ABCG4: variants seen among roughly 807,000 people sequenced by gnomAD.
ABCG4 encodes the protein ATP binding cassette subfamily G member 4.
A neutral mutation model predicts 64.6 loss-of-function variants in ABCG4; 35 were observed. That is an observed-to-expected ratio of 0.54 (90% CI 0.41 to 0.72). The LOEUF (loss-of-function observed/expected upper bound fraction) is 0.72. ABCG4 is among the 30% of genes least tolerant of loss of function. ABCG4 has a pLI of 0.00. For missense variants in ABCG4, 610 were observed against 846.3 expected (o/e 0.72, Z 3.46); for synonymous variants, 326 against 348.2 (o/e 0.94, Z 0.71).
chr11:119,158,932 G>A lies in ABCG4; in HGVS notation c.1437+3G>A, dbSNP rs761892897. 2 of 1,614,006 alleles carry A rather than the reference G, an allele frequency of 1.2e-6. No individual in the cohort carries two copies. The highest frequency in any genetic ancestry group is 1.3e-5 in the African/African-American group (1 of 75,036). ...CCATGGCTGACGTGCCCTTTCAGGT[G>A]GGCCTCTTCCTCCCACCTGCCCACT... On this transcript the variant is annotated splice_donor_region_variant and intron_variant, in intron 12 of 14. Transcript: ENST00000619701. This position sits in a 1 kb window ranked among gnomAD's most constrained non-coding sequence, Gnocchi z 4.5.
At position 119,158,724 on chromosome 11, in the gene ABCG4, C is replaced by T. The variant is rs766831538; in HGVS notation, c.1335C>T (p.Thr445=). 1.2e-6 allele frequency: 2 copies of T among 1,614,154 alleles called. No individual in the cohort carries two copies. Among genetic ancestry groups the T allele is most frequent in the Non-Finnish European group, 1.7e-6 (2 of 1,180,024 alleles). Reference sequence around the variant, plus strand: ...CCGCCCTCATGCCAACTGTGCTCACCTGTGAGCTGAGCTGCCCTGGGCATG... The same window carrying T: ...CCGCCCTCATGCCAACTGTGCTCACTTGTGAGCTGAGCTGCCCTGGGCATG... ...MFAALMPTVL[T]FPLEMAVFMR... The change falls in exon 11 of 15, where the codon ACC becomes ACT. Residue 445 remains threonine (T), a splice_region_variant and synonymous_variant. Transcript: ENST00000619701. The surrounding 1 kb of genome is among the most constrained non-coding windows in gnomAD (Gnocchi z 4.5).
Position 119,149,690 on chromosome 11 carries a change from T to G in ABCG4, c.-12-264T>G, listed in dbSNP as rs1592300620. ...CCCCAGGGGCTGCTGGCCTGCGGGG[T>G]AAGGAGATTAGAGAAGCCGCCGGGA... is the stretch of plus-strand genomic sequence containing the variant. On this transcript the variant is annotated intron_variant, in intron 1 of 14. Transcript: ENST00000619701. The surrounding 1 kb of genome is among the most constrained non-coding windows in gnomAD (Gnocchi z 8.3). 2.6e-5 allele frequency: 13 copies of G among 500,878 alleles called. No individual in the cohort carries two copies. Among genetic ancestry groups the G allele is most frequent in the Non-Finnish European group, 3.6e-5 (10 of 280,388 alleles). The allele number at this position is 500,878 out of a possible 1,614,324, so 31.0% of individuals were successfully genotyped here.
Position 119,156,532 on chromosome 11 carries a change from G to A in ABCG4, c.811-32G>A, listed in dbSNP as rs1171891256. ...GGTCAGTAGGGGTGCCTGGCCCGCT[G>A]TTCCTTCCTTACCCTTCTCTTTCTG... On this transcript the variant is annotated intron_variant, in intron 7 of 14. Coordinates refer to ENST00000619701, the MANE Select transcript of ABCG4 (RefSeq NM_022169.5). This position sits in a 1 kb window ranked among gnomAD's most constrained non-coding sequence, Gnocchi z 5.5. 1 of 1,613,922 alleles carries A rather than the reference G, an allele frequency of 6.2e-7. No homozygotes were observed. The highest frequency in any genetic ancestry group is 1.3e-5 in the African/African-American group (1 of 74,908).
chr11:119,150,010 G>A lies in ABCG4; in HGVS notation c.45G>A (p.Pro15=), dbSNP rs1948171879. 6.2e-7 allele frequency: 1 copy of A among 1,611,660 alleles called. No homozygotes were observed. ...ALEAVGCGLG[P]GAVAMAVTLE... ...AGGCCGTGGGCTGTGGACTAGGGCC[G>A]GGGGCTGTGGCCATGGCCGTGACGC... Residue 15 remains proline, a synonymous_variant, in exon 2 of 15, where the codon CCG becomes CCA. Transcript: ENST00000619701. The surrounding 1 kb of genome is among the most constrained non-coding windows in gnomAD (Gnocchi z 4.3).
rs1948243385 is a variant in ABCG4 at position 119,154,781 on chromosome 11, C to T, written c.552C>T (p.Ile184=). 1.2e-6 allele frequency: 2 copies of T among 1,610,634 alleles called. No individual in the cohort carries two copies. Among genetic ancestry groups the T allele is most frequent in the Non-Finnish European group, 8.5e-7 (1 of 1,177,304 alleles). The stretch of plus-strand genomic sequence containing the variant: ...TGGGGTGGGGCCAGGTGACAGAGAT[C>T]CTGACGGCACTGGGCCTGATGTCGT... ...QEVKKELVTE[I]LTALGLMSCS... The change falls in exon 6 of 15, where the codon ATC becomes ATT. Residue 184 remains isoleucine (I), a synonymous_variant. Coordinates refer to ENST00000619701, the MANE Select transcript of ABCG4 (RefSeq NM_022169.5). This position sits in a 1 kb window ranked among gnomAD's most constrained non-coding sequence, Gnocchi z 7.0.
chr11:119,153,698 G>A (rs1321749582), intron 2 of ABCG4: 2 of 269,018 alleles, frequency 7.4e-6, no homozygotes, highest in Non-Finnish European at 1.4e-5. Flanking sequence ...GCGAGACAGT[G>A]GCCACTGTGA....
rs757135248 is a variant in ABCG4, at chr11:119,160,383, C to T, written c.1594C>T (p.Gln532Ter). The T allele has an allele frequency of 3.7e-6, 6 of 1,607,820 alleles. No homozygotes were observed. Among genetic ancestry groups the T allele is most frequent in the East Asian group, 2.2e-5 (1 of 44,678 alleles). Residue 532 changes from glutamine to a stop codon, truncating the protein, a stop_gained and splice_region_variant, in exon 13 of 15, where the codon CAG becomes TAG. Coordinates refer to ENST00000619701, the MANE Select transcript of ABCG4 (RefSeq NM_022169.5). LOFTEE classifies it high-confidence loss of function. This position sits in a 1 kb window ranked among gnomAD's most constrained non-coding sequence, Gnocchi z 4.6. ...LLIGAASNSLQVATFVGPVTA... is the reference protein window; with the variant it reads ...LLIGAASNSL ...GATCGGAGCTGCTTCCAACTCCCTA[C>T]AGGTGGGAGGGCTGGCAGTTGGGAA...
At chr11:119,157,038 A>G in intron 9 of ABCG4, 24 bp downstream of exon 9, 1 of 1,577,296 alleles carries the variant, frequency 6.3e-7, no homozygotes, top group Non-Finnish European at 8.6e-7. Flanking sequence ...GAGAGGGCAG[A>G]GCAGGCATAG....
At chr11:119,157,923 C>A (rs761708934) in intron 9 of ABCG4, among the ~76,000 whole-genome samples, 5 of 152,166 alleles carry the variant, frequency 3.3e-5, no homozygotes, top group Non-Finnish European at 5.9e-5. Flanking sequence ...AGGAATTATA[C>A]CCTTAGAGTT....
intron 9 of ABCG4, among the ~76,000 whole-genome samples, chr11:119,157,360 G>T (rs1409196048): frequency 2.0e-5 from 3 of 152,196 alleles, no homozygotes; most frequent in Admixed American, 6.5e-5. Context: ...CTCTAACTTA[G>T]AGATGATGAT....
chr11:119,156,353 C>T lies in ABCG4; in HGVS notation c.711C>T (p.Phe237=). 6.2e-7 allele frequency: 1 copy of T among 1,614,190 alleles called. No homozygotes were observed. The highest frequency in any genetic ancestry group is 8.5e-7 in the Non-Finnish European group (1 of 1,180,042). Residue 237 remains phenylalanine (F), a synonymous_variant, in exon 7 of 15, where the codon TTC becomes TTT. Transcript: ENST00000619701. This position sits in a 1 kb window ranked among gnomAD's most constrained non-coding sequence, Gnocchi z 5.5. Reference sequence around the variant, plus strand: ...GTGGTCTGGATAGCGCCTCTTGTTTCCAAGTGGTGTCCCTCATGAAGTCCC... The same window carrying T: ...GTGGTCTGGATAGCGCCTCTTGTTTTCAAGTGGTGTCCCTCATGAAGTCCC... ...PTSGLDSASC[F]QVVSLMKSLA... is the part of the protein sequence containing the mutation.
At chr11:119,151,206 G>A (rs983072195) in intron 2 of ABCG4, among the ~76,000 whole-genome samples, 2 of 152,208 alleles carry the variant, frequency 1.3e-5, no homozygotes, top group African/African-American at 4.8e-5. Flanking sequence ...TGAGGCAGTT[G>A]TTATTTCTTT....
Position 119,149,777 on chromosome 11 carries a change from G to C in ABCG4, c.-12-177G>C. 4 of 1,044,248 alleles carry C rather than the reference G, an allele frequency of 3.8e-6. No homozygotes were observed. Among genetic ancestry groups the C allele is most frequent in the Non-Finnish European group, 5.4e-6 (4 of 742,670 alleles). The allele number at this position is 1,044,248 out of a possible 1,614,324, so 64.7% of individuals were successfully genotyped here. The stretch of plus-strand genomic sequence containing the variant: ...GGGTCAGGCTGGAGCTGGGCTGCCC[G>C]GGACTGAGCGTCTCCGTGCGGAGAG... On this transcript the variant is annotated intron_variant, in intron 1 of 14. Coordinates refer to ENST00000619701, the MANE Select transcript of ABCG4 (RefSeq NM_022169.5). This position sits in a 1 kb window ranked among gnomAD's most constrained non-coding sequence, Gnocchi z 8.3.
Position 119,156,544 on chromosome 11 carries a change from C to A in ABCG4, c.811-20C>A. ...TGCCTGGCCCGCTGTTCCTTCCTTA[C>A]CCTTCTCTTTCTGCTGCAGCTCTAC... On this transcript the variant is annotated intron_variant, in intron 7 of 14. Transcript: ENST00000619701. This position sits in a 1 kb window ranked among gnomAD's most constrained non-coding sequence, Gnocchi z 5.5. 6.2e-7 allele frequency: 1 copy of A among 1,614,068 alleles called. No homozygotes were observed. The highest frequency in any genetic ancestry group is 8.5e-7 in the Non-Finnish European group (1 of 1,179,964).
chr11:119,156,237 A>T lies in ABCG4; in HGVS notation c.687-92A>T, dbSNP rs1948261641. 1 of 1,559,592 alleles carries T rather than the reference A, an allele frequency of 6.4e-7. No homozygotes were observed. Among genetic ancestry groups the T allele is most frequent in the African/African-American group, 1.4e-5 (1 of 73,792 alleles). ...AGAGTGCCCTCTTCCTGCCAGCTTC[A>T]TCCCCTTCACAGCAGCTGCCCCGCC... is the stretch of plus-strand genomic sequence containing the variant. On this transcript the variant is annotated intron_variant, in intron 6 of 14. Transcript: ENST00000619701. This position sits in a 1 kb window ranked among gnomAD's most constrained non-coding sequence, Gnocchi z 5.5.
At chr11:119,159,212 C>T (rs1367894627) in intron 12 of ABCG4, among the ~76,000 whole-genome samples, 2 of 152,222 alleles carry the variant, frequency 1.3e-5, no homozygotes, top group Non-Finnish European at 2.9e-5. Flanking sequence ...TAGGGCCAGG[C>T]GCAGTGGCTT....
rs1169012117 is a variant in ABCG4, at chr11:119,158,718, G to T, written c.1329G>T (p.Val443=). The T allele has an allele frequency of 1.2e-6, 2 of 1,614,038 alleles. No individual in the cohort carries two copies. Among genetic ancestry groups the T allele is most frequent in the African/African-American group, 2.7e-5 (2 of 74,942 alleles). Residue 443 remains valine, a synonymous_variant, in exon 11 of 15, where the codon GTG becomes GTT. Transcript: ENST00000619701. The surrounding 1 kb of genome is among the most constrained non-coding windows in gnomAD (Gnocchi z 4.5). ...TGTTCGCCGCCCTCATGCCAACTGT[G>T]CTCACCTGTGAGCTGAGCTGCCCTG... ...FLMFAALMPT[V]LTFPLEMAVF...
chr11:119,158,352 G>C lies in ABCG4; in HGVS notation c.1167+20G>C. 1 of 1,612,378 alleles carries C rather than the reference G, an allele frequency of 6.2e-7. No individual in the cohort carries two copies. Reference sequence around the variant, plus strand: ...GACACGGTGAGGCGTCAGGCTGGGGGAGAGGAGGCTGGCACAGGCCTGACC... The same window carrying C: ...GACACGGTGAGGCGTCAGGCTGGGGCAGAGGAGGCTGGCACAGGCCTGACC... On this transcript the variant is annotated intron_variant, in intron 10 of 14. Coordinates refer to ENST00000619701, the MANE Select transcript of ABCG4 (RefSeq NM_022169.5). This position sits in a 1 kb window ranked among gnomAD's most constrained non-coding sequence, Gnocchi z 4.5.
At position 119,149,696 on chromosome 11, in the gene ABCG4, G is replaced by A. The variant is rs1200043965; in HGVS notation, c.-12-258G>A. On this transcript the variant is annotated intron_variant, in intron 1 of 14. Coordinates refer to ENST00000619701, the MANE Select transcript of ABCG4 (RefSeq NM_022169.5). This position sits in a 1 kb window ranked among gnomAD's most constrained non-coding sequence, Gnocchi z 8.3. ...GGGCTGCTGGCCTGCGGGGTAAGGA[G>A]ATTAGAGAAGCCGCCGGGAGGAAGG... 12 of 557,536 alleles carry A rather than the reference G, an allele frequency of 2.2e-5. No homozygotes were observed. Among genetic ancestry groups the A allele is most frequent in the Middle Eastern group, 9.6e-4 (2 of 2,082 alleles). 34.5% of individuals were successfully genotyped at this position (557,536 alleles called of 1,614,324 possible). A position where few individuals can be genotyped will look rare whatever the true frequency, so the allele number is the denominator to read the frequency against.
Sources: gnomAD v4.1 joint callset for allele counts (sites outside exome capture counted in the v4.1 genomes callset) on GRCh38, gnomAD v4.1.1 for gene constraint, Gnocchi (gnomAD v3.1) non-coding constraint, MANE v1.5 for transcripts, NCBI Gene and HGNC (gene_info 2026-07-23, HGNC 2026-07-21) for gene names.